ALPK2: variants seen among roughly 807,000 people sequenced by gnomAD.
ALPK2 encodes alpha-protein kinase 2.
A neutral mutation model predicts 163.1 loss-of-function variants in ALPK2; 127 were observed. That is an observed-to-expected ratio of 0.78 (90% CI 0.67 to 0.90). The LOEUF (loss-of-function observed/expected upper bound fraction) is 0.90, where lower values mean the gene tolerates loss of function less well. Among genes scored for constraint, ALPK2 ranks in the 40% least tolerant of loss-of-function variants. The probability of loss-of-function intolerance (pLI) is 0.00; values close to 1 mark genes in which losing one functional copy is unlikely to be tolerated. For missense variants in ALPK2, 2,360 were observed against 2,589.6 expected, an observed-to-expected ratio of 0.91 and a Z score of 1.92; for synonymous variants, 953 against 959.1, an observed-to-expected ratio of 0.99 and a Z score of 0.12.
At chr18:58,539,717 T>C (rs577426717) in intron 4 of ALPK2, among the ~76,000 whole-genome samples, 2 of 152,306 alleles carry the variant, frequency 1.3e-5, no homozygotes, top group Non-Finnish European at 2.9e-5. Context: ...AGCTGAAATG[T>C]TCATGGGCAT....
At chr18:58,532,795 A>G (rs924780683) in intron 5 of ALPK2, among the ~76,000 whole-genome samples, 2 of 152,078 alleles carry the variant, frequency 1.3e-5, no homozygotes, top group Admixed American at 6.6e-5. Flanking sequence ...TAGCACCCCC[A>G]TTTTACAGGT....
chr18:58,540,214 G>A (rs899793614), intron 4 of ALPK2, among the ~76,000 whole-genome samples: 1 of 152,226 alleles, frequency 6.6e-6, no homozygotes, highest in African/African-American at 2.4e-5. Flanking sequence ...AATGAACCAT[G>A]TACCAGTTGA....
chr18:58,580,844 G>A (rs771524641), intron 3 of ALPK2: 1 of 363,492 alleles, frequency 2.8e-6, no homozygotes, highest in Non-Finnish European at 5.0e-6. Flanking sequence ...GGCAGGGTCA[G>A]GACATTACCT....
At chr18:58,534,038 T>C (rs1380755203) in intron 5 of ALPK2, among the ~76,000 whole-genome samples, 1 of 152,118 alleles carries the variant, frequency 6.6e-6, no homozygotes. Flanking sequence ...CCAGGGTGTG[T>C]GGGGAGAGAA....
chr18:58,532,909 C>T lies in ALPK2; in HGVS notation c.5353+1925G>A, dbSNP rs143496734. On this transcript the variant is annotated intron_variant, in intron 5 of 12. Coordinates refer to ENST00000361673, the MANE Select transcript of ALPK2 (RefSeq NM_052947.4). ...AGCAATATAACTCCTAATCTATACC[C>T]TAACCACCATGATACAACTTGCCCC... 9.2e-5 allele frequency among the ~76,000 whole-genome samples: 14 copies of T among 152,300 alleles called. No individual in the cohort carries two copies. In the East Asian group the frequency reaches 2.5e-3, roughly 27 times the overall value.
intron 10 of ALPK2, among the ~76,000 whole-genome samples, chr18:58,505,617 A>T (rs2051457996): frequency 6.6e-6 from 1 of 152,012 alleles, no homozygotes; most frequent in African/African-American, 2.4e-5. Flanking sequence ...GCAGCATTCC[A>T]TGATAGCTAC....
chr18:58,512,475 G>A (rs958451630), intron 10 of ALPK2, among the ~76,000 whole-genome samples: 36 of 152,196 alleles, frequency 2.4e-4, no homozygotes, highest in African/African-American at 7.5e-4. Flanking sequence ...CCCAGCGGGG[G>A]TCAGTCTAGG....
intron 8 of ALPK2, among the ~76,000 whole-genome samples, chr18:58,519,287 A>G (rs1486748699): frequency 6.6e-6 from 1 of 152,176 alleles, no homozygotes; most frequent in Admixed American, 6.5e-5. Context: ...TGTATCCCAA[A>G]CCTTCTCAGT....
rs1470956864 is a variant in ALPK2 at position 58,579,936 on chromosome 18, A to C, written c.840T>G (p.Thr280=). The C allele has an allele frequency of 6.2e-7, 1 of 1,614,190 alleles. No homozygotes were observed. Among genetic ancestry groups the C allele is most frequent in the East Asian group, 2.2e-5 (1 of 44,870 alleles). Residue 280 remains threonine (T), a synonymous_variant, in exon 4 of 13, where the codon ACT becomes ACG. Transcript: ENST00000361673. ...CACTGTCACCTGGGTAAATGTGTGCAGTTGCCTCAGATAGCGGGAGGCTGA... is the reference window on the plus strand; with the variant it reads ...CACTGTCACCTGGGTAAATGTGTGCCGTTGCCTCAGATAGCGGGAGGCTGA... ...ISFSLPLSEA[T]AHIYPGDSAV...
chr18:58,563,424 T>G (rs551594703), intron 4 of ALPK2, among the ~76,000 whole-genome samples: 3 of 152,318 alleles, frequency 2.0e-5, no homozygotes, highest in African/African-American at 7.2e-5. Flanking sequence ...AACCATGAAA[T>G]GTATTGTCAG....
intron 4 of ALPK2, chr18:58,544,313 T>C (rs62096277): frequency 0.16 from 24,618 of 152,218 alleles, 2,375 homozygotes; most frequent in East Asian, 0.33. Context: ...TCCAAAGTTC[T>C]GCCTCCTAGG....
Position 58,580,081 on chromosome 18 carries a change from T to C in ALPK2, c.695A>G (p.His232Arg). The C allele has an allele frequency of 6.2e-7, 1 of 1,614,282 alleles. No homozygotes were observed. Among genetic ancestry groups the C allele is most frequent in the East Asian group, 2.2e-5 (1 of 44,892 alleles). Residue 232 changes from histidine to arginine, a missense_variant, in exon 4 of 13, where the codon CAC becomes CGC. Transcript: ENST00000361673. The part of the protein sequence containing the change: ...HIYEKQDRCC[H>R]KTVHSMASKF... Reference sequence around the variant, plus strand: ...TGATGCCATGGAATGCACTGTCTTGTGGCAACATCTGTCTTGTTTTTCATA... The same window carrying C: ...TGATGCCATGGAATGCACTGTCTTGCGGCAACATCTGTCTTGTTTTTCATA...
intron 10 of ALPK2, among the ~76,000 whole-genome samples, chr18:58,506,055 C>T (rs1193887617): frequency 6.6e-6 from 1 of 152,138 alleles, no homozygotes; most frequent in Non-Finnish European, 1.5e-5. Flanking sequence ...AAATACCGTT[C>T]AGATGCCGAT....
In ALPK2 at chr18:58,521,625, C is replaced by CTTTTTTTTTTTTTT. The variant is rs1375364902; in HGVS notation, c.5665+2180_5665+2181insAAAAAAAAAAAAAA. On this transcript the variant is annotated intron_variant, in intron 8 of 12. Coordinates refer to ENST00000361673, the MANE Select transcript of ALPK2 (RefSeq NM_052947.4). Reference sequence around the variant, plus strand: ...CATTTCTTTTTCTTTCTTTCTCTCTCTCTTTTTTTTTTTTTTTTTTTGAGA... The same window carrying CTTTTTTTTTTTTTT: ...CATTTCTTTTTCTTTCTTTCTCTCTCTTTTTTTTTTTTTTTCTTTTTTTTTTTTTTTTTTTGAGA... Among the ~76,000 whole-genome samples the CTTTTTTTTTTTTTT allele has an allele frequency of 3.7e-3, 185 of 50,526 alleles. 3 individuals are homozygous for CTTTTTTTTTTTTTT. The highest frequency in any genetic ancestry group is 6.0e-3 in the Non-Finnish European group (149 of 24,702). The allele number at this position is 50,526 out of a possible 152,430, so 33.1% of individuals were successfully genotyped here.
chr18:58,527,573 C>T (rs2051590837), intron 6 of ALPK2, among the ~76,000 whole-genome samples: 1 of 152,196 alleles, frequency 6.6e-6, no homozygotes, highest in Admixed American at 6.5e-5. Flanking sequence ...ATTCTGAGCT[C>T]AGAGCAAGGC....
At chr18:58,625,915 C>T (rs954883752) in intron 1 of ALPK2, among the ~76,000 whole-genome samples, 4 of 152,334 alleles carry the variant, frequency 2.6e-5, no homozygotes, top group South Asian at 2.1e-4. Flanking sequence ...TGTGCATAGG[C>T]GGAAATCCCA....
At chr18:58,558,301 C>CA (rs1364173900) in intron 4 of ALPK2, among the ~76,000 whole-genome samples, 4 of 151,704 alleles carry the variant, frequency 2.6e-5, no homozygotes, top group Non-Finnish European at 5.9e-5. Flanking sequence ...GACTTAATAC[C>CA]AAAAAAATGT....
intron 3 of ALPK2, among the ~76,000 whole-genome samples, chr18:58,595,053 A>G (rs2052034197): frequency 6.6e-6 from 1 of 152,152 alleles, no homozygotes. Flanking sequence ...AGTCATGACC[A>G]TGTGCCATGG....
At chr18:58,622,295 C>T (rs578209341) in intron 1 of ALPK2, among the ~76,000 whole-genome samples, 3 of 152,112 alleles carry the variant, frequency 2.0e-5, no homozygotes, top group African/African-American at 7.2e-5. Context: ...TATAGTGAGC[C>T]GAGATCGCAC....
Sources: gnomAD v4.1 joint callset for allele counts (sites outside exome capture counted in the v4.1 genomes callset) on GRCh38, gnomAD v4.1.1 for gene constraint, MANE v1.5 for transcripts, NCBI Gene and HGNC (gene_info 2026-07-23, HGNC 2026-07-21) for gene names.